The following IKBIP variants were observed in gnomAD, a reference collection of about 807,000 sequenced individuals.
IKBIP encodes the protein inhibitor of nuclear factor kappa-B kinase-interacting protein.
A neutral mutation model predicts 31.0 loss-of-function variants in IKBIP; 28 were observed. The ratio of observed to expected loss-of-function variants is 0.90; its 90% CI spans 0.67 to 1.24. The LOEUF is 1.24. Ranked by LOEUF, IKBIP falls within the 50% of genes most tolerant of loss-of-function variation. The probability of loss-of-function intolerance (pLI) is 0.00; values close to 1 mark genes in which losing one functional copy is unlikely to be tolerated. For synonymous variants in IKBIP, 164 were observed against 160.3 expected (o/e 1.02, Z -0.17); for missense variants, 453 against 441.9 (o/e 1.03, Z -0.23).
At chr12:98,619,873 G>GAAAA (rs562387976), downstream of IKBIP, among the ~76,000 whole-genome samples, 2 of 68,992 alleles carry the variant, frequency 2.9e-5, no homozygotes, top group South Asian at 5.0e-4. Flanking sequence ...CCCTTTCTCA[G>GAAAA]AAAAAAAAAA....
intron 2 of IKBIP, among the ~76,000 whole-genome samples, chr12:98,632,620 A>AT (rs35887973): frequency 0.17 from 15,842 of 90,862 alleles, 1,962 homozygotes; most frequent in African/African-American, 0.2. Context: ...CCAGATTCCA[A>AT]TTTTTTTTTT....
chr12:98,621,001 A>T (rs760932145), downstream of IKBIP, among the ~76,000 whole-genome samples: 12 of 152,146 alleles, frequency 7.9e-5, no homozygotes, highest in Non-Finnish European at 1.8e-4. Flanking sequence ...TAATCCCAGC[A>T]CTTTGGGAGG....
Position 98,644,504 on chromosome 12 carries a change from C to A in IKBIP, c.179+19G>T, listed in dbSNP as rs2153302076. On this transcript the variant is annotated intron_variant, in intron 1 of 2. Coordinates refer to ENST00000299157, the MANE Select transcript of IKBIP (RefSeq NM_153687.4). ...GGGGCCCACAGGAGGCCGGCCCAGG[C>A]AGCCTCGCGTCCACTTACCAGGCCA... is the stretch of plus-strand genomic sequence containing the variant. 1.9e-6 allele frequency: 3 copies of A among 1,568,858 alleles called. No individual in the cohort carries two copies. The highest frequency in any genetic ancestry group is 1.2e-5 in the South Asian group (1 of 86,278).
At position 98,644,528 on chromosome 12, in the gene IKBIP, C is replaced by G; in HGVS notation, c.174G>C (p.Leu58=). 6.3e-7 allele frequency: 1 copy of G among 1,598,674 alleles called. No individual in the cohort carries two copies. The highest frequency in any genetic ancestry group is 8.5e-7 in the Non-Finnish European group (1 of 1,173,788). The change falls in exon 1 of 3, where the codon CTG becomes CTC. Residue 58 remains leucine, a synonymous_variant. Transcript: ENST00000299157. ...SLLSLGTCLG[L]AWFVFQQSEK... ...GCAGCCTCGCGTCCACTTACCAGGC[C>G]AGGCCCAGGCACGTCCCCAGCGACA...
chr12:98,630,347 C>T (rs751934005), intron 2 of IKBIP, among the ~76,000 whole-genome samples: 3 of 127,674 alleles, frequency 2.3e-5, no homozygotes, highest in South Asian at 2.4e-4. Context: ...CTCCCCACTG[C>T]ACTCCAGCCT....
chr12:98,615,389 C>T lies in IKBIP; in HGVS notation c.298-1049G>A, dbSNP rs140919183. ...ATGGTACCACAGTTGTGTGCCACCA[C>T]GCCTGGCTGATTGTTGTTTAGTAGT... On this transcript the variant is annotated intron_variant, in intron 2 of 2. Transcript: ENST00000342502. Among the ~76,000 whole-genome samples the T allele has an allele frequency of 2.9e-3, 439 of 152,158 alleles. 3 individuals carry two copies. Among genetic ancestry groups the T allele is most frequent in the African/African-American group, 0.01 (416 of 41,514 alleles).
chr12:98,640,500 T>C (rs1166639443), intron 1 of IKBIP, among the ~76,000 whole-genome samples: 1 of 152,164 alleles, frequency 6.6e-6, no homozygotes, highest in African/African-American at 2.4e-5. Context: ...AAAAAATCTA[T>C]TGAAGTTTCC....
chr12:98,644,328 G>C (rs1476576661), intron 1 of IKBIP, among the ~76,000 whole-genome samples, 195 bp downstream of exon 1: 1 of 152,194 alleles, frequency 6.6e-6, no homozygotes, highest in African/African-American at 2.4e-5. Context: ...CAGCACGGGG[G>C]GAAATGAGAT....
intron 2 of IKBIP, among the ~76,000 whole-genome samples, chr12:98,616,264 C>A (rs899847382): frequency 4.6e-5 from 7 of 151,782 alleles, no homozygotes; most frequent in Non-Finnish European, 1.0e-4. Context: ...CATTTTTTTC[C>A]ATATACCTGT....
rs373031668 is a variant in IKBIP at position 98,644,429 on chromosome 12, T to C, written c.179+94A>G. 1.3e-3 allele frequency: 1,694 copies of C among 1,255,600 alleles called. 35 individuals carry two copies. In the South Asian group the frequency reaches 0.023, roughly 17 times the overall value. The allele number at this position is 1,255,600 out of a possible 1,614,324, so 77.8% of individuals were successfully genotyped here. ...GCACAGAAGGCCCAGGTCTGGGAGGTTGGATCACCTCCGGCTGGATGTTGA... is the reference window on the plus strand; with the variant it reads ...GCACAGAAGGCCCAGGTCTGGGAGGCTGGATCACCTCCGGCTGGATGTTGA... On this transcript the variant is annotated intron_variant, in intron 1 of 2. Transcript: ENST00000299157.
chr12:98,626,561 A>G lies in IKBIP; in HGVS notation c.503T>C (p.Ile168Thr), dbSNP rs1486763963. 6.2e-7 allele frequency: 1 copy of G among 1,613,332 alleles called. No individual in the cohort carries two copies. The change falls in exon 3 of 3, where the codon ATT becomes ACT. Residue 168 changes from isoleucine (I) to threonine (T), a missense_variant. Ile to Thr is a moderately conservative substitution (Grantham distance 89). Transcript: ENST00000299157. ...FWKRSLEEMN[I>T]NTDIFKSEAK... is the part of the protein sequence containing the mutation. ...TTCTGATTTGAAAATGTCTGTATTAATGTTCATTTCTTCTAGGCTTCTCTT... is the reference window on the plus strand; with the variant it reads ...TTCTGATTTGAAAATGTCTGTATTAGTGTTCATTTCTTCTAGGCTTCTCTT...
At chr12:98,635,703 C>G (rs952998849) in intron 1 of IKBIP, among the ~76,000 whole-genome samples, 1 of 152,018 alleles carries the variant, frequency 6.6e-6, no homozygotes, top group South Asian at 2.1e-4. Context: ...TATTTTAAAA[C>G]TGAAATGTAG....
chr12:98,636,640 A>G (rs571310445), intron 1 of IKBIP, among the ~76,000 whole-genome samples: 2 of 152,348 alleles, frequency 1.3e-5, no homozygotes, highest in African/African-American at 4.8e-5. Context: ...AGGTTACATT[A>G]TTAGCACAGA....
chr12:98,613,809 C>G, exon 3 of IKBIP: 3 of 1,609,968 alleles, frequency 1.9e-6, no homozygotes, highest in Non-Finnish European at 2.5e-6. Context: ...AGATCATTTG[C>G]AAAAGTCACT....
downstream of IKBIP, among the ~76,000 whole-genome samples, chr12:98,622,517 G>C (rs1273611366): frequency 6.6e-6 from 1 of 152,086 alleles, no homozygotes; most frequent in African/African-American, 2.4e-5. Flanking sequence ...GTGAGACCCT[G>C]TCCCAAAATT....
intron 2 of IKBIP, among the ~76,000 whole-genome samples, chr12:98,629,938 TA>T (rs2097618361): frequency 1.3e-5 from 2 of 152,160 alleles, no homozygotes; most frequent in Non-Finnish European, 2.9e-5. Context: ...TTTTATTTAC[TA>T]AAAAAATTTT....
intron 2 of IKBIP, among the ~76,000 whole-genome samples, chr12:98,618,901 C>T (rs917440581): frequency 3.9e-5 from 6 of 152,078 alleles, no homozygotes; most frequent in African/African-American, 1.4e-4. Context: ...AAAGAAGCAT[C>T]CATATAGTTG....
chr12:98,618,557 C>T (rs1447682839), intron 2 of IKBIP, among the ~76,000 whole-genome samples: 6 of 150,426 alleles, frequency 4.0e-5, no homozygotes, highest in East Asian at 4.0e-4. Flanking sequence ...ACCCGGGAGG[C>T]GGAGCTTGCA....
chr12:98,627,639 C>T (rs1352028919), intron 2 of IKBIP, among the ~76,000 whole-genome samples: 1 of 151,944 alleles, frequency 6.6e-6, no homozygotes, highest in Non-Finnish European at 1.5e-5. Flanking sequence ...GGGGTTTCAC[C>T]GTGTCAGCGA....
Sources: allele counts gnomAD v4.1 joint callset (sites outside exome capture counted in the v4.1 genomes callset), GRCh38; gene constraint gnomAD v4.1.1; transcripts MANE v1.5; gene names NCBI Gene and HGNC (gene_info 2026-07-23, HGNC 2026-07-21).